Variants in NOSIP observed in about 807,000 individuals in gnomAD.
NOSIP encodes the protein nitric oxide synthase-interacting protein.
A neutral mutation model predicts 36.4 loss-of-function variants in NOSIP; 25 were observed. The ratio of observed to expected loss-of-function variants is 0.69; its 90% confidence interval spans 0.50 to 0.96. The LOEUF (loss-of-function observed/expected upper bound fraction) is 0.96. NOSIP is among the 40% of genes least tolerant of loss of function. NOSIP has a pLI of 0.00. For missense variants in NOSIP, 370 were observed against 429.0 expected (o/e 0.86, Z 1.21); for synonymous variants, 187 against 179.2 (o/e 1.04, Z -0.35).
chr19:49,578,447 G>C (rs1451090997), intron 1 of NOSIP, among the ~76,000 whole-genome samples: 1 of 151,518 alleles, frequency 6.6e-6, no homozygotes, highest in African/African-American at 2.4e-5. Flanking sequence ...AAAACAGGTA[G>C]CTGGCAGGAT....
chr19:49,560,038 C>T lies in NOSIP; in HGVS notation c.72G>A (p.Ala24=). The change falls in exon 3 of 9, where the codon GCG becomes GCA. Residue 24 remains alanine, a splice_region_variant and synonymous_variant. Transcript: ENST00000596358. The surrounding 1 kb of genome is among the most constrained non-coding windows in gnomAD (Gnocchi z 4.6). ...YTYHEKKKDT[A]ASGYGTQNIR... ...TGTTCTGGGTCCCATAGCCCGAGGC[C>T]GCTGGGGACAGAGATGGGCAGAGTG... 6.2e-7 allele frequency: 1 copy of T among 1,610,466 alleles called. No homozygotes were observed. Among genetic ancestry groups the T allele is most frequent in the Non-Finnish European group, 8.5e-7 (1 of 1,177,344 alleles).
intron 4 of NOSIP, 42 bp from the exon 5 acceptor site, chr19:49,557,291 G>C: frequency 1.3e-6 from 2 of 1,530,078 alleles, no homozygotes; most frequent in South Asian, 2.4e-5. Context: ...CCGTGGGGCT[G>C]GGGGTATCTT....
rs1343983191 is a variant in NOSIP, at chr19:49,556,622, T to A, written c.652A>T (p.Ser218Cys). Residue 218 changes from serine to cysteine, a missense_variant, in exon 7 of 9, where the codon AGC becomes TGC. Physicochemically the swap from Ser to Cys is moderately radical, Grantham distance 112. Transcript: ENST00000596358. ...SVDRVGLITR[S>C]ERYVCAVTRD... ...GTCACGGCACACACGTAGCGCTCGC[T>A]GCGGGTGATGAGCCCCACGCGGTCC... is the stretch of plus-strand genomic sequence containing the variant. 1.2e-6 allele frequency: 2 copies of A among 1,608,636 alleles called. No homozygotes were observed. Among genetic ancestry groups the A allele is most frequent in the African/African-American group, 2.7e-5 (2 of 74,890 alleles).
rs2080317934 is a variant in NOSIP, at chr19:49,560,496, T to C, written c.70+126A>G. The stretch of plus-strand genomic sequence containing the variant: ...CACCCAGCTGTTGTTTACATGGTCA[T>C]GGCCATCAGTGTATATCGGGGGCGG... On this transcript the variant is annotated intron_variant, in intron 2 of 8. Coordinates refer to ENST00000596358, the MANE Select transcript of NOSIP (RefSeq NM_001270960.2). This position sits in a 1 kb window ranked among gnomAD's most constrained non-coding sequence, Gnocchi z 4.6. The C allele has an allele frequency of 2.8e-6, 2 of 707,396 alleles. No individual in the cohort carries two copies. Among genetic ancestry groups the C allele is most frequent in the South Asian group, 1.7e-5 (1 of 59,968 alleles). 43.8% of individuals were successfully genotyped at this position (707,396 alleles called of 1,614,324 possible).
At chr19:49,556,290 G>C (rs767140155) in intron 8 of NOSIP, 27 bp downstream of exon 8, 8 of 1,515,966 alleles carry the variant, frequency 5.3e-6, no homozygotes, top group Non-Finnish European at 7.2e-6. Context: ...TGGAGTGCTG[G>C]GGGAAGGGGA....
rs5828405 is a variant in NOSIP at position 49,572,972 on chromosome 19, C to CAAAA, written c.-2+7539_-2+7542dup. On this transcript the variant is annotated intron_variant, in intron 1 of 8. Coordinates refer to ENST00000596358, the MANE Select transcript of NOSIP (RefSeq NM_001270960.2). ...TGGCCAACAGATCAAGACTGTGTCT[C>CAAAA]AAAAAAAAAAAAAAAAAAAAAGCCC... Among the ~76,000 whole-genome samples the CAAAA allele has an allele frequency of 1.3e-4, 8 of 60,732 alleles. No homozygotes were observed. In the East Asian group the frequency reaches 1.3e-3, roughly 10 times the overall value. The allele number at this position is 60,732 out of a possible 152,430, so 39.8% of individuals were successfully genotyped here.
Position 49,557,222 on chromosome 19 carries a change from G to C in NOSIP, c.286C>G (p.Arg96Gly). The C allele has an allele frequency of 1.9e-6, 3 of 1,596,164 alleles. No individual in the cohort carries two copies. The highest frequency in any genetic ancestry group is 1.1e-5 in the South Asian group (1 of 88,380). ...CGCTGAAGCTCCTTCTGCTCCTCGCGCCGGGTGCCCCGCTGCTTCTCGTAG... is the reference window on the plus strand; with the variant it reads ...CGCTGAAGCTCCTTCTGCTCCTCGCCCCGGGTGCCCCGCTGCTTCTCGTAG... ...KAYEKQRGTR[R>G]EEQKELQRAA... is the part of the protein sequence containing the mutation. Residue 96 changes from arginine to glycine, a missense_variant, in exon 5 of 9, where the codon CGC becomes GGC. Arg to Gly is a moderately radical substitution (Grantham distance 125, BLOSUM62 -2). Transcript: ENST00000596358.
At chr19:49,565,044 G>A (rs184048993) in intron 1 of NOSIP, among the ~76,000 whole-genome samples, 59 of 152,258 alleles carry the variant, frequency 3.9e-4, no homozygotes, top group Non-Finnish European at 2.6e-4. Flanking sequence ...GGGAGGCCAA[G>A]GCAGGAGGAT....
chr19:49,557,032 GC>G, intron 5 of NOSIP, 39 bp from the exon 6 acceptor site: 1 of 1,589,004 alleles, frequency 6.3e-7, no homozygotes, highest in Non-Finnish European at 8.6e-7. Context: ...CGCCCCCTGG[GC>G]CCGCCCAGCC....
At chr19:49,565,796 C>T (rs143333070) in intron 1 of NOSIP, among the ~76,000 whole-genome samples, 8 of 149,844 alleles carry the variant, frequency 5.3e-5, no homozygotes, top group African/African-American at 1.2e-4. Flanking sequence ...AAATTAATGG[C>T]GGGGGAACCC....
At chr19:49,562,109 C>T (rs2080343215) in intron 1 of NOSIP, among the ~76,000 whole-genome samples, 1 of 152,040 alleles carries the variant, frequency 6.6e-6, no homozygotes, top group Non-Finnish European at 1.5e-5. Context: ...CAGTAAACAG[C>T]CTGCATGCCT....
rs2080311663 is a variant in NOSIP at position 49,560,091 on chromosome 19, G to A, written c.71-52C>T. 8.0e-7 allele frequency: 1 copy of A among 1,248,546 alleles called. No homozygotes were observed. The highest frequency in any genetic ancestry group is 1.2e-6 in the Non-Finnish European group (1 of 866,728). The allele number at this position is 1,248,546 out of a possible 1,614,324, so 77.3% of individuals were successfully genotyped here. A position where few individuals can be genotyped will look rare whatever the true frequency, so the allele number is the denominator to read the frequency against. On this transcript the variant is annotated intron_variant, in intron 2 of 8. Transcript: ENST00000596358. This position sits in a 1 kb window ranked among gnomAD's most constrained non-coding sequence, Gnocchi z 4.6. The stretch of plus-strand genomic sequence containing the variant: ...GGAGGGGCGGAGCAACAGGAGACAT[G>A]TCCGTCTCCAAAGCCCCAGAGAGAG...
rs1186539310 is a variant in NOSIP at position 49,557,170 on chromosome 19, C to T, written c.338G>A (p.Gly113Asp). 1.2e-6 allele frequency: 2 copies of T among 1,611,222 alleles called. No individual in the cohort carries two copies. Among genetic ancestry groups the T allele is most frequent in the Non-Finnish European group, 1.7e-6 (2 of 1,179,092 alleles). The stretch of plus-strand genomic sequence containing the variant: ...GATAGCCGACTCCTTCTCCAGGAAG[C>T]CCCGCACATGGTCCTGCGAGGCCGC... ...QRAASQDHVRGFLEKESAIVS... is the reference protein window; with the variant it reads ...QRAASQDHVRDFLEKESAIVS... Residue 113 changes from glycine to aspartate, a missense_variant, in exon 5 of 9, where the codon GGC becomes GAC. Physicochemically the swap from Gly to Asp is moderately conservative, Grantham distance 94. This residue lies in a region of NOSIP where 315 missense variants were observed against 331.9 expected (regional missense o/e 0.95). Coordinates refer to ENST00000596358, the MANE Select transcript of NOSIP (RefSeq NM_001270960.2).
chr19:49,559,927 A>C lies in NOSIP; in HGVS notation c.176+7T>G, dbSNP rs1481081647. 3 of 1,606,940 alleles carry C rather than the reference A, an allele frequency of 1.9e-6. No homozygotes were observed. The Middle Eastern group carries it at 5.0e-4, about 266-fold the overall frequency. Reference sequence around the variant, plus strand: ...CCCAGACCTACCCATCCCTGTTCCCAGCTCACGTGACAACAGGATCGTGGC... The same window carrying C: ...CCCAGACCTACCCATCCCTGTTCCCCGCTCACGTGACAACAGGATCGTGGC... On this transcript the variant is annotated splice_region_variant and intron_variant, in intron 3 of 8. Transcript: ENST00000596358.
intron 1 of NOSIP, among the ~76,000 whole-genome samples, chr19:49,574,422 G>A (rs1038608521): frequency 6.6e-6 from 1 of 152,182 alleles, no homozygotes; most frequent in African/African-American, 2.4e-5. Flanking sequence ...TTGATGGATG[G>A]CATTAAAGGA....
chr19:49,574,726 G>GT (rs989672081), intron 1 of NOSIP, among the ~76,000 whole-genome samples: 2 of 152,056 alleles, frequency 1.3e-5, no homozygotes, highest in Non-Finnish European at 2.9e-5. Context: ...GTCTCCTTCT[G>GT]TTTTTTGGGA....
chr19:49,565,268 G>T (rs1244436434), intron 1 of NOSIP, among the ~76,000 whole-genome samples: 2 of 145,322 alleles, frequency 1.4e-5, no homozygotes, highest in East Asian at 2.0e-4. Flanking sequence ...GTGAGACCCT[G>T]TCTCAAAAAA....
At chr19:49,575,726 G>A (rs1473208052) in intron 1 of NOSIP, among the ~76,000 whole-genome samples, 1 of 152,124 alleles carries the variant, frequency 6.6e-6, no homozygotes, top group East Asian at 1.9e-4. Context: ...ACACACAAAC[G>A]GGCATGGCTG....
chr19:49,556,514 G>C (rs368759917), intron 7 of NOSIP, 35 bp downstream of exon 7: 1 of 1,606,310 alleles, frequency 6.2e-7, no homozygotes, highest in Non-Finnish European at 8.5e-7. Context: ...GCAGGTTCCC[G>C]AGTGGTCCCT....
Sources: gnomAD v4.1 joint callset for allele counts (sites outside exome capture counted in the v4.1 genomes callset) on GRCh38, gnomAD v4.1.1 for gene constraint, gnomAD v4.1.1 regional missense constraint, Gnocchi (gnomAD v3.1) non-coding constraint, MANE v1.5 for transcripts, NCBI Gene and HGNC (gene_info 2026-07-23, HGNC 2026-07-21) for gene names.